The following CPNE8 variants were observed in gnomAD, a reference collection of about 807,000 sequenced individuals.
CPNE8 encodes copine-8.
Under a neutral mutation model 81.5 loss-of-function variants are expected in CPNE8, and 45 were observed. That is an observed-to-expected ratio of 0.55 (90% CI 0.44 to 0.71). The LOEUF (loss-of-function observed/expected upper bound fraction) is 0.71, where lower values mean the gene tolerates loss of function less well. Among genes scored for constraint, CPNE8 ranks in the 30% least tolerant of loss-of-function variants. CPNE8 has a pLI of 0.00. For missense variants in CPNE8, 594 were observed against 672.1 expected (o/e 0.88, Z 1.28); for synonymous variants, 252 against 226.3 (o/e 1.11, Z -1.02).
chr12:38,779,554 T>C (rs1942002515), intron 6 of CPNE8, among the ~76,000 whole-genome samples: 1 of 152,196 alleles, frequency 6.6e-6, no homozygotes, highest in Admixed American at 6.6e-5. Flanking sequence ...CCAGGCTTGC[T>C]GTCTTAATTG....
At chr12:38,691,375 C>A (rs1939672515) in intron 15 of CPNE8, among the ~76,000 whole-genome samples, 1 of 152,030 alleles carries the variant, frequency 6.6e-6, no homozygotes, top group African/African-American at 2.4e-5. Flanking sequence ...ATTTACCACA[C>A]AGGAATTTTA....
At chr12:38,783,276 C>G (rs1024771510) in intron 6 of CPNE8, among the ~76,000 whole-genome samples, 14 of 152,146 alleles carry the variant, frequency 9.2e-5, no homozygotes, top group African/African-American at 2.9e-4. Context: ...TAACAACTAT[C>G]TATACACACA....
chr12:38,792,795 G>A (rs1012971596), intron 6 of CPNE8, among the ~76,000 whole-genome samples: 10 of 151,792 alleles, frequency 6.6e-5, no homozygotes. Context: ...GAACGTTATA[G>A]ATCAATATCC....
intron 7 of CPNE8, among the ~76,000 whole-genome samples, chr12:38,769,427 AAG>A (rs1491054681): frequency 7.6e-4 from 116 of 152,198 alleles, no homozygotes; most frequent in Non-Finnish European, 1.1e-3. Context: ...TCTATTATAG[AAG>A]TAGTGAAATA....
chr12:38,683,403 C>T (rs1367695528), intron 16 of CPNE8, among the ~76,000 whole-genome samples: 1 of 152,048 alleles, frequency 6.6e-6, no homozygotes. Context: ...ATACTTACCT[C>T]CTACATAATA....
chr12:38,707,123 G>A (rs1268249317), intron 13 of CPNE8, among the ~76,000 whole-genome samples: 1 of 152,048 alleles, frequency 6.6e-6, no homozygotes, highest in South Asian at 2.1e-4. Context: ...AGACCAGCCT[G>A]GGCAACATAC....
At chr12:38,899,989 CAT>C (rs1379712792) in intron 1 of CPNE8, among the ~76,000 whole-genome samples, 1 of 152,070 alleles carries the variant, frequency 6.6e-6, no homozygotes, top group African/African-American at 2.4e-5. Flanking sequence ...ATGACAGTAA[CAT>C]GTAGTAAAGC....
intron 1 of CPNE8, among the ~76,000 whole-genome samples, chr12:38,893,395 T>G (rs952504969): frequency 1.5e-5 from 2 of 129,182 alleles, no homozygotes; most frequent in Non-Finnish European, 3.4e-5. Context: ...TGGCCTCTGG[T>G]CATCCTCACT....
At chr12:38,675,926 C>A in intron 17 of CPNE8, 152 bp from the exon 18 acceptor site, 1 of 611,164 alleles carries the variant, frequency 1.6e-6, no homozygotes. Context: ...TTGAGAACAG[C>A]CTGGGCAACA....
chr12:38,801,006 G>T (rs546338927), intron 6 of CPNE8, among the ~76,000 whole-genome samples: 1 of 150,550 alleles, frequency 6.6e-6, no homozygotes, highest in East Asian at 1.9e-4. Flanking sequence ...ATGGGACTAC[G>T]TGAAAAGACC....
In CPNE8 at chr12:38,652,402, TTACA is replaced by T; in HGVS notation, c.*1476_*1479del. The T allele has an allele frequency of 6.5e-6, 1 of 152,684 alleles. No homozygotes were observed. The highest frequency in any genetic ancestry group is 1.5e-5 in the Non-Finnish European group (1 of 67,992). The allele number at this position is 152,684 out of a possible 1,614,324, so 9.5% of individuals were successfully genotyped here. ...ATACATAATTAAAAATCAACAATTA[TTACA>T]TAGTTATATAACATTGATACTGTTA... is the stretch of plus-strand genomic sequence containing the variant. On this transcript the variant is annotated 3_prime_UTR_variant, in exon 20 of 20. Transcript: ENST00000331366.
At chr12:38,669,897 C>G (rs1939134951) in intron 19 of CPNE8, among the ~76,000 whole-genome samples, 1 of 152,150 alleles carries the variant, frequency 6.6e-6, no homozygotes, top group Admixed American at 6.6e-5. Flanking sequence ...ACACACAACT[C>G]TCCCTCCCAG....
chr12:38,850,872 T>C (rs1270312494), intron 3 of CPNE8, among the ~76,000 whole-genome samples: 3 of 152,242 alleles, frequency 2.0e-5, no homozygotes, highest in East Asian at 1.9e-4. Context: ...GTTCCTGCTA[T>C]AGTTTGAATG....
In CPNE8 at chr12:38,717,147, A is replaced by G. The variant is rs140029998; in HGVS notation, c.914+6625T>C. On this transcript the variant is annotated intron_variant, in intron 13 of 19. Coordinates refer to ENST00000331366, the MANE Select transcript of CPNE8 (RefSeq NM_153634.3). ...AAAAAGTCAAAAAACAATAGATGTT[A>G]GCATGGATGTGGTGAAAAAGGAACA... Among the ~76,000 whole-genome samples the G allele has an allele frequency of 7.4e-3, 1,117 of 151,932 alleles. 11 individuals carry two copies. Among genetic ancestry groups the G allele is most frequent in the African/African-American group, 0.021 (857 of 41,506 alleles).
At chr12:38,892,010 C>T (rs1471340985) in intron 1 of CPNE8, among the ~76,000 whole-genome samples, 2 of 152,170 alleles carry the variant, frequency 1.3e-5, no homozygotes, top group Non-Finnish European at 1.5e-5. Flanking sequence ...GAAATGTTGT[C>T]TGGGAACTCC....
intron 13 of CPNE8, among the ~76,000 whole-genome samples, chr12:38,711,766 G>A (rs1940264973): frequency 6.6e-6 from 1 of 152,116 alleles, no homozygotes; most frequent in Non-Finnish European, 1.5e-5. Flanking sequence ...ACTACGCCCG[G>A]CCCAAGTATA....
intron 10 of CPNE8, among the ~76,000 whole-genome samples, chr12:38,747,166 G>C (rs1941244630): frequency 6.6e-6 from 1 of 152,204 alleles, no homozygotes; most frequent in Non-Finnish European, 1.5e-5. Flanking sequence ...TCTACTAACA[G>C]TATAATGAAA....
At chr12:38,892,705 G>A (rs898676642) in intron 1 of CPNE8, among the ~76,000 whole-genome samples, 8 of 152,152 alleles carry the variant, frequency 5.3e-5, no homozygotes, top group Admixed American at 3.3e-4. Flanking sequence ...CTGATCAGAG[G>A]AAGCACACAA....
chr12:38,794,618 G>A (rs947620927), intron 6 of CPNE8, among the ~76,000 whole-genome samples: 3 of 150,692 alleles, frequency 2.0e-5, no homozygotes, highest in Non-Finnish European at 4.4e-5. Flanking sequence ...TCATAGCCAT[G>A]AGGATAACTA....
Sources: gnomAD v4.1 joint callset for allele counts (sites outside exome capture counted in the v4.1 genomes callset) on GRCh38, gnomAD v4.1.1 for gene constraint, MANE v1.5 for transcripts, NCBI Gene and HGNC (gene_info 2026-07-23, HGNC 2026-07-21) for gene names.